Variants in PRKDC observed in about 807,000 individuals in gnomAD.
PRKDC encodes protein kinase, DNA-activated, catalytic subunit.
Under a neutral mutation model 486.9 loss-of-function variants are expected in PRKDC, and 82 were observed. That is an observed-to-expected ratio of 0.17 (90% CI 0.14 to 0.20). The LOEUF (loss-of-function observed/expected upper bound fraction) is 0.20, where lower values mean the gene tolerates loss of function less well. Among genes scored for constraint, PRKDC ranks in the 10% least tolerant of loss-of-function variants. PRKDC has a pLI of 1.00. For synonymous variants in PRKDC, 1,895 were observed against 1,837.0 expected (o/e 1.03, Z -0.81); for missense variants, 4,504 against 5,038.2 (o/e 0.89, Z 3.21).
chr8:47,919,328 C>G (rs2090036762), intron 21 of PRKDC, among the ~76,000 whole-genome samples: 1 of 152,232 alleles, frequency 6.6e-6, no homozygotes, highest in Admixed American at 6.5e-5. Context: ...CATACGTGGT[C>G]TCTCCATATG....
chr8:47,860,122 A>G (rs942689960), intron 45 of PRKDC, among the ~76,000 whole-genome samples: 1 of 152,232 alleles, frequency 6.6e-6, no homozygotes, highest in African/African-American at 2.4e-5. Context: ...GCTAATCCAA[A>G]ACACCTAAGA....
intron 50 of PRKDC, among the ~76,000 whole-genome samples, chr8:47,854,526 G>A (rs1037802264): frequency 1.3e-5 from 2 of 152,050 alleles, no homozygotes; most frequent in African/African-American, 4.8e-5. Context: ...TTTTTTAGTA[G>A]AGACGGGGTT....
intron 40 of PRKDC, among the ~76,000 whole-genome samples, chr8:47,868,833 T>G (rs935261082): frequency 6.6e-6 from 1 of 152,086 alleles, no homozygotes; most frequent in Non-Finnish European, 1.5e-5. Flanking sequence ...CCAGCAGCAA[T>G]TGCACGCAGG....
At chr8:47,908,892 T>C (rs2089843498) in intron 25 of PRKDC, among the ~76,000 whole-genome samples, 1 of 152,240 alleles carries the variant, frequency 6.6e-6, no homozygotes, top group Non-Finnish European at 1.5e-5. Context: ...GTTAGTTTCT[T>C]CACTTGTGAC....
chr8:47,919,076 G>A (rs2090033476), intron 21 of PRKDC, among the ~76,000 whole-genome samples: 1 of 152,068 alleles, frequency 6.6e-6, no homozygotes, highest in Non-Finnish European at 1.5e-5. Flanking sequence ...ATGCTTCAAT[G>A]TGTGTTTTCC....
chr8:47,858,503 A>G lies in PRKDC; in HGVS notation c.6465+13T>C. On this transcript the variant is annotated intron_variant, in intron 48 of 85. Transcript: ENST00000314191. Reference sequence around the variant, plus strand: ...AATCTATTCAAAGAATAAAGAAATAATCAATTACTTACCTCTTCTGTATTA... The same window carrying G: ...AATCTATTCAAAGAATAAAGAAATAGTCAATTACTTACCTCTTCTGTATTA... 6.8e-7 allele frequency: 1 copy of G among 1,462,572 alleles called. No homozygotes were observed. The highest frequency in any genetic ancestry group is 9.2e-7 in the Non-Finnish European group (1 of 1,084,548). 90.6% of individuals were successfully genotyped at this position (1,462,572 alleles called of 1,614,324 possible). A position where few individuals can be genotyped will look rare whatever the true frequency, so the allele number is the denominator to read the frequency against.
intron 25 of PRKDC, among the ~76,000 whole-genome samples, chr8:47,910,138 C>T (rs1370147425): frequency 3.3e-5 from 5 of 151,984 alleles, no homozygotes; most frequent in East Asian, 1.9e-4. Context: ...TCAGACCGGC[C>T]GACACTTAGG....
At chr8:47,820,266 A>G (rs933942671) in intron 66 of PRKDC, among the ~76,000 whole-genome samples, 7 of 151,942 alleles carry the variant, frequency 4.6e-5, no homozygotes, top group Non-Finnish European at 1.0e-4. Context: ...TACTAAAATT[A>G]GCCGAGGGCC....
intron 69 of PRKDC, among the ~76,000 whole-genome samples, chr8:47,805,887 C>A (rs967798634): frequency 3.3e-5 from 5 of 152,256 alleles, no homozygotes; most frequent in Admixed American, 3.3e-4. Context: ...CCACCCCACT[C>A]CCCTAGTGTG....
At chr8:47,774,767 T>C (rs2086574418) in intron 85 of PRKDC, among the ~76,000 whole-genome samples, 1 of 148,852 alleles carries the variant, frequency 6.7e-6, no homozygotes, top group African/African-American at 2.5e-5. Context: ...GTTAGATTCC[T>C]TTTTTTTTAA....
chr8:47,861,655 T>C (rs943011930), intron 44 of PRKDC, among the ~76,000 whole-genome samples: 2 of 152,246 alleles, frequency 1.3e-5, no homozygotes, highest in African/African-American at 4.8e-5. Flanking sequence ...AATCTGAGCT[T>C]GGCTAAAACA....
At chr8:47,912,122 G>A (rs953010190) in intron 25 of PRKDC, among the ~76,000 whole-genome samples, 7 of 152,106 alleles carry the variant, frequency 4.6e-5, no homozygotes, top group Admixed American at 2.0e-4. Flanking sequence ...TTGTCCATGA[G>A]AGGGGTGACA....
chr8:47,888,663 CA>C lies in PRKDC; in HGVS notation c.4281-14del, dbSNP rs766906510. On this transcript the variant is annotated splice_polypyrimidine_tract_variant and intron_variant, in intron 33 of 85. Coordinates refer to ENST00000314191, the MANE Select transcript of PRKDC (RefSeq NM_006904.7). ...AAGCTCCTCAATGCTGGCCATGTGA[CA>C]AAACAGTAAATTAGGTGAGCTCTGA... 27 of 1,562,054 alleles carry C rather than the reference CA, an allele frequency of 1.7e-5. No homozygotes were observed. The highest frequency in any genetic ancestry group is 2.3e-5 in the Non-Finnish European group (26 of 1,154,360).
chr8:47,835,402 A>G (rs1387240036), intron 58 of PRKDC, among the ~76,000 whole-genome samples: 1 of 151,994 alleles, frequency 6.6e-6, no homozygotes, highest in African/African-American at 2.4e-5. Flanking sequence ...GGTGGCTCAC[A>G]AGGTCAGGAT....
chr8:47,809,912 T>A (rs1014967611), intron 68 of PRKDC, among the ~76,000 whole-genome samples: 8 of 152,076 alleles, frequency 5.3e-5, no homozygotes, highest in African/African-American at 1.9e-4. Context: ...GTGACTGAGA[T>A]CCTTAAGACA....
At chr8:47,839,955 C>T (rs760311690) in intron 55 of PRKDC, 61 bp downstream of exon 55, 17 of 1,352,542 alleles carry the variant, frequency 1.3e-5, no homozygotes, top group Non-Finnish European at 1.6e-5. Flanking sequence ...CCAGCCTCGT[C>T]GACAGAGCAA....
intron 21 of PRKDC, among the ~76,000 whole-genome samples, chr8:47,926,586 C>T (rs902120533): frequency 2.6e-5 from 4 of 152,246 alleles, no homozygotes; most frequent in African/African-American, 7.2e-5. Flanking sequence ...TTGCTTGCAT[C>T]GGATGACAAT....
At chr8:47,869,251 T>C (rs1046840323) in intron 40 of PRKDC, among the ~76,000 whole-genome samples, 1 of 151,468 alleles carries the variant, frequency 6.6e-6, no homozygotes, top group Admixed American at 6.6e-5. Flanking sequence ...CTTGCAGTAA[T>C]AAAAGTGATT....
intron 62 of PRKDC, 141 bp downstream of exon 62, chr8:47,828,027 G>C: frequency 1.5e-6 from 1 of 677,556 alleles, no homozygotes. Flanking sequence ...CATTTGGGAA[G>C]TGGTAACCCA....
Sources: allele counts gnomAD v4.1 joint callset (sites outside exome capture counted in the v4.1 genomes callset), GRCh38; gene constraint gnomAD v4.1.1; transcripts MANE v1.5; gene names NCBI Gene and HGNC (gene_info 2026-07-23, HGNC 2026-07-21).